Variants in CD72 observed in about 807,000 individuals in gnomAD.
The protein encoded by CD72 is CD72 molecule.
In CD72, 28 loss-of-function variants were observed where a neutral mutation model predicts 50.7. The observed-to-expected ratio is 0.55, with a 90% CI of 0.41 to 0.76. The LOEUF is 0.76. Ranked by LOEUF, CD72 falls within the 30% of genes least tolerant of loss-of-function variation. The probability of loss-of-function intolerance (pLI) is 0.00; values close to 1 mark genes in which losing one functional copy is unlikely to be tolerated. For missense variants in CD72, 403 were observed against 420.6 expected (o/e 0.96, Z 0.37); for synonymous variants, 176 against 171.2 (o/e 1.03, Z -0.22).
chr9:35,637,875 C>G (rs373363958), intron 1 of CD72, among the ~76,000 whole-genome samples: 5 of 152,258 alleles, frequency 3.3e-5, no homozygotes, highest in African/African-American at 1.2e-4. Context: ...GTGTCTCTAC[C>G]TTTCTCTTTA....
upstream of CD72, among the ~76,000 whole-genome samples, chr9:35,622,792 A>AAAT (rs768466813): frequency 2.9e-3 from 435 of 150,834 alleles, 2 homozygotes; most frequent in East Asian, 0.04. Context: ...GTCTCAAAAA[A>AAAT]AATAATAATA....
At position 35,616,653 on chromosome 9, in the gene CD72, A is replaced by G; in HGVS notation, c.299T>C (p.Leu100Pro). ...TTCLRYLLLG[L>P]LLTCLLLGVT... ...TCCTAACAGCAGGCAGGTGAGGAGC[A>G]GGCCGAGCAGGAGGTATCGCAGGCA... The change falls in exon 4 of 9, where the codon CTG (leucine) becomes CCG (proline). Residue 100 changes from leucine (L) to proline (P), a missense_variant. Coordinates refer to ENST00000259633, the MANE Select transcript of CD72 (RefSeq NM_001782.3). 1 of 1,613,976 alleles carries G rather than the reference A, an allele frequency of 6.2e-7. No individual in the cohort carries two copies. The highest frequency in any genetic ancestry group is 8.5e-7 in the Non-Finnish European group (1 of 1,180,016).
Position 35,610,694 on chromosome 9 carries a change from A to G in CD72, c.1010T>C (p.Leu337Pro), listed in dbSNP as rs142452470. Reference sequence around the variant, plus strand: ...AGAACTTCTACATGACTCTGACTCCAGTGTCCACCATGACCAAGTTTTATG... The same window carrying G: ...AGAACTTCTACATGACTCTGACTCCGGTGTCCACCATGACCAAGTTTTATG... ...KVHKTWSWWT[L>P]ESESCRSSLP... The change falls in exon 8 of 9, where the codon CTG (leucine) becomes CCG (proline). Residue 337 changes from leucine to proline, a missense_variant. Physicochemically the swap from Leu to Pro is moderately conservative, Grantham distance 98 (BLOSUM62 -3). Transcript: ENST00000259633. 3.3e-4 allele frequency: 533 copies of G among 1,612,722 alleles called. 2 individuals are homozygous for G. In the African/African-American group the frequency reaches 6.4e-3, roughly 19 times the overall value.
At chr9:35,618,976 A>G (rs1294412692), upstream of CD72, 2 of 327,508 alleles carry the variant, frequency 6.1e-6, no homozygotes, top group East Asian at 1.7e-4. Context: ...GCAGGTGAGC[A>G]AGGGAGTTGC....
intron 1 of CD72, among the ~76,000 whole-genome samples, chr9:35,632,514 T>C (rs1355591110): frequency 6.6e-6 from 1 of 151,698 alleles, no homozygotes; most frequent in Non-Finnish European, 1.5e-5. Context: ...TAACTAATCT[T>C]GTCTATTTAA....
intron 1 of CD72, among the ~76,000 whole-genome samples, chr9:35,631,753 G>C (rs1298671197): frequency 6.6e-6 from 1 of 152,128 alleles, no homozygotes; most frequent in African/African-American, 2.4e-5. Flanking sequence ...AATTAGGCGT[G>C]GTGGTGGGCA....
chr9:35,645,584 A>G (rs1172555165), intron 1 of CD72, among the ~76,000 whole-genome samples: 1 of 101,640 alleles, frequency 9.8e-6, no homozygotes, highest in African/African-American at 2.7e-5. Context: ...TCCGTCTCAA[A>G]AAACAAAAAC....
chr9:35,637,216 T>G (rs1029282114), intron 1 of CD72, among the ~76,000 whole-genome samples: 1 of 152,050 alleles, frequency 6.6e-6, no homozygotes, highest in Non-Finnish European at 1.5e-5. Flanking sequence ...TAAAAACTAA[T>G]GATAATCCCA....
chr9:35,622,636 A>T (rs1204072192), upstream of CD72, among the ~76,000 whole-genome samples: 1 of 152,066 alleles, frequency 6.6e-6, no homozygotes, highest in East Asian at 1.9e-4. Flanking sequence ...ATAATACAAA[A>T]ATTAGCCGGG....
At chr9:35,630,481 T>C (rs1823235476) in intron 1 of CD72, among the ~76,000 whole-genome samples, 1 of 152,226 alleles carries the variant, frequency 6.6e-6, no homozygotes, top group African/African-American at 2.4e-5. Context: ...ACACTTTTTA[T>C]GATATTTTCT....
upstream of CD72, among the ~76,000 whole-genome samples, chr9:35,619,950 A>G (rs1329674046): frequency 6.6e-6 from 1 of 151,794 alleles, no homozygotes; most frequent in Admixed American, 6.6e-5. Context: ...AAAGTTTCCA[A>G]CAACCTAGAC....
chr9:35,612,798 C>T, intron 6 of CD72, 50 bp downstream of exon 6: 1 of 1,570,232 alleles, frequency 6.4e-7, no homozygotes, highest in South Asian at 1.1e-5. Flanking sequence ...TGACATATGT[C>T]CCTTTACCTA....
upstream of CD72, chr9:35,618,525 G>A: frequency 9.1e-7 from 1 of 1,100,114 alleles, no homozygotes; most frequent in African/African-American, 1.6e-5. Flanking sequence ...AGGGCCAGAG[G>A]GGCCACGGAG....
At chr9:35,642,310 A>G (rs1823347865) in intron 1 of CD72, among the ~76,000 whole-genome samples, 1 of 152,250 alleles carries the variant, frequency 6.6e-6, no homozygotes, top group Non-Finnish European at 1.5e-5. Flanking sequence ...TGGCCCTTCA[A>G]GTAATACAGC....
rs1475067834 is a variant in CD72 at position 35,610,290 on chromosome 9, G to A, written c.*33C>T. ...GGAAGGAGGGGCACAGGTTCTTGTT[G>A]GCATGAGTGTCTGGAAAAGTAAAGT... On this transcript the variant is annotated 3_prime_UTR_variant, in exon 9 of 9. Coordinates refer to ENST00000259633, the MANE Select transcript of CD72 (RefSeq NM_001782.3). 2 of 238,548 alleles carry A rather than the reference G, an allele frequency of 8.4e-6. No homozygotes were observed. Among genetic ancestry groups the A allele is most frequent in the Non-Finnish European group, 1.6e-5 (2 of 124,166 alleles). 14.8% of individuals were successfully genotyped at this position (238,548 alleles called of 1,614,324 possible).
chr9:35,628,233 T>C (rs918792489), intron 1 of CD72, among the ~76,000 whole-genome samples: 1 of 152,078 alleles, frequency 6.6e-6, no homozygotes. Flanking sequence ...CTCCGAAGTA[T>C]CTGGGACTAC....
rs1415867757 is a variant in CD72 at position 35,616,913 on chromosome 9, C to T, written c.263-224G>A. ...TGCTGGTGGGGACTCGGGGGCGTTA[C>T]CTGGGAGAAGGGGAAGGAAATATCA... On this transcript the variant is annotated intron_variant, in intron 3 of 8. Transcript: ENST00000259633. The T allele has an allele frequency of 2.3e-6, 3 of 1,322,622 alleles. No individual in the cohort carries two copies. The African/African-American group carries it at 4.5e-5, about 20-fold the overall frequency. The allele number at this position is 1,322,622 out of a possible 1,614,324, so 81.9% of individuals were successfully genotyped here. A position where few individuals can be genotyped will look rare whatever the true frequency, so the allele number is the denominator to read the frequency against.
At chr9:35,637,250 C>T (rs1001093015) in intron 1 of CD72, among the ~76,000 whole-genome samples, 5 of 152,204 alleles carry the variant, frequency 3.3e-5, no homozygotes, top group South Asian at 2.1e-4. Flanking sequence ...ACTCTCTATT[C>T]GGACTCAGCC....
intron 7 of CD72, among the ~76,000 whole-genome samples, 192 bp from the exon 8 acceptor site, chr9:35,610,945 C>T (rs757465006): frequency 1.6e-4 from 25 of 152,282 alleles, no homozygotes; most frequent in Non-Finnish European, 3.2e-4. Context: ...AAAAATAACT[C>T]GAGATCTTAA....
Sources: gnomAD v4.1 joint callset for allele counts (sites outside exome capture counted in the v4.1 genomes callset) on GRCh38, gnomAD v4.1.1 for gene constraint, MANE v1.5 for transcripts, NCBI Gene and HGNC (gene_info 2026-07-23, HGNC 2026-07-21) for gene names.